The following ALG8 variants were observed in gnomAD, a reference collection of about 807,000 sequenced individuals.
ALG8 encodes the protein dolichyl pyrophosphate Glc1Man9GlcNAc2 alpha-1,3-glucosyltransferase.
Under a neutral mutation model 70.2 loss-of-function variants are expected in ALG8, and 48 were observed. That is an observed-to-expected ratio of 0.68 (90% CI 0.54 to 0.87). The LOEUF (loss-of-function observed/expected upper bound fraction) is 0.87, where lower values mean the gene tolerates loss of function less well. ALG8 is among the 40% of genes least tolerant of loss of function. The pLI, the probability that ALG8 is intolerant of heterozygous loss-of-function variation, is 0.00. For missense variants in ALG8, 572 were observed against 608.7 expected (o/e 0.94, Z 0.64); for synonymous variants, 234 against 229.0 (o/e 1.02, Z -0.20).
chr11:78,130,750 A>G (rs1482348497), intron 1 of ALG8, among the ~76,000 whole-genome samples: 1 of 152,102 alleles, frequency 6.6e-6, no homozygotes, highest in Non-Finnish European at 1.5e-5. Context: ...TTCATTAATT[A>G]TGCTGAGTAT....
chr11:78,112,182 C>A (rs570456), intron 8 of ALG8, among the ~76,000 whole-genome samples: 1 of 151,920 alleles, frequency 6.6e-6, no homozygotes, highest in African/African-American at 2.4e-5. Context: ...GAGGCTGAGA[C>A]AAGAGGACTG....
At chr11:78,111,863 A>G (rs1860305528) in intron 8 of ALG8, among the ~76,000 whole-genome samples, 1 of 152,224 alleles carries the variant, frequency 6.6e-6, no homozygotes, top group African/African-American at 2.4e-5. Flanking sequence ...TAAAAACCAT[A>G]GCCTGGGTTT....
intron 5 of ALG8, 124 bp downstream of exon 5, chr11:78,119,058 T>G (rs1273823134): frequency 1.4e-6 from 1 of 706,454 alleles, no homozygotes; most frequent in Non-Finnish European, 2.5e-6. Context: ...CTAATAAAAG[T>G]GTCTATCGCA....
chr11:78,112,548 A>G (rs1860338312), intron 8 of ALG8, 102 bp downstream of exon 8: 1 of 1,557,790 alleles, frequency 6.4e-7, no homozygotes, highest in Non-Finnish European at 8.8e-7. Flanking sequence ...CTGGAGAACA[A>G]ACAATTCAGC....
intron 1 of ALG8, among the ~76,000 whole-genome samples, chr11:78,134,696 A>C (rs1473229492): frequency 6.6e-6 from 1 of 152,230 alleles, no homozygotes; most frequent in Non-Finnish European, 1.5e-5. Flanking sequence ...ATCTCAAAAG[A>C]AACCACTTTC....
intron 2 of ALG8, among the ~76,000 whole-genome samples, chr11:78,126,036 G>A (rs1278242383): frequency 2.0e-5 from 3 of 152,004 alleles, no homozygotes; most frequent in Non-Finnish European, 4.4e-5. Flanking sequence ...GCGGGCGCCT[G>A]TAGTCCCAGC....
Position 78,124,360 on chromosome 11 carries a change from T to C in ALG8, c.175-146A>G. 6.4e-6 allele frequency: 5 copies of C among 784,636 alleles called. No homozygotes were observed. In the South Asian group the frequency reaches 8.0e-5, roughly 13 times the overall value. The allele number at this position is 784,636 out of a possible 1,614,324, so 48.6% of individuals were successfully genotyped here. On this transcript the variant is annotated intron_variant, in intron 2 of 12. Transcript: ENST00000299626. The stretch of plus-strand genomic sequence containing the variant: ...GCTCACACCTGTAACCCCAGCACTT[T>C]GGGAGGACAAGGCAGGCAGATCGCT...
In ALG8 at chr11:78,106,880, A is replaced by T. The variant is rs1555067842; in HGVS notation, c.1105T>A (p.Cys369Ser). The T allele has an allele frequency of 6.2e-7, 1 of 1,614,188 alleles. No individual in the cohort carries two copies. Among genetic ancestry groups the T allele is most frequent in the Non-Finnish European group, 8.5e-7 (1 of 1,180,014 alleles). The stretch of plus-strand genomic sequence containing the variant: ...CCAAACATAAAGGAGCTCAAGGCAC[A>T]AAGAGTTAGACATCGGAGAAAGCCT... ...PRGFLRCLTLCALSSFMFGWH... is the reference protein window; with the variant it reads ...PRGFLRCLTLSALSSFMFGWH... Residue 369 changes from cysteine to serine, a missense_variant, in exon 10 of 13, where the codon TGT (cysteine) becomes AGT (serine). By Grantham distance (112) the Cys-to-Ser change is moderately radical. Coordinates refer to ENST00000299626, the MANE Select transcript of ALG8 (RefSeq NM_024079.5).
At chr11:78,116,547 G>A (rs144629462) in intron 5 of ALG8, among the ~76,000 whole-genome samples, 225 of 152,094 alleles carry the variant, frequency 1.5e-3, no homozygotes, top group African/African-American at 5.3e-3. Flanking sequence ...GCGAAACCCC[G>A]TCTCTAGTAA....
chr11:78,103,410 G>C (rs1182032614), intron 12 of ALG8: 3 of 153,290 alleles, frequency 2.0e-5, no homozygotes, highest in African/African-American at 7.2e-5. Flanking sequence ...GTTGCAGTGA[G>C]TGGAGATCGC....
chr11:78,104,109 T>A, intron 11 of ALG8, 57 bp from the exon 12 acceptor site: 1 of 1,134,380 alleles, frequency 8.8e-7, no homozygotes, highest in Non-Finnish European at 1.3e-6. Context: ...AGACTTATGA[T>A]GCTGAAAGTA....
chr11:78,130,361 A>AAAAAAAAAAAAAAAGAAAAGAAAAAAAAG (rs928560857), intron 1 of ALG8, among the ~76,000 whole-genome samples: 1 of 132,636 alleles, frequency 7.5e-6, no homozygotes, highest in African/African-American at 3.2e-5. Context: ...AAAAAAAAAA[A>AAAAAAAAAAAAAAAGAAAAGAAAAAAAAG]AAAAAAGGTG....
At chr11:78,113,705 T>C (rs1192923267) in intron 7 of ALG8, among the ~76,000 whole-genome samples, 181 bp downstream of exon 7, 2 of 107,950 alleles carry the variant, frequency 1.9e-5, no homozygotes, top group African/African-American at 8.7e-5. Flanking sequence ...ACAGTGAGAC[T>C]CCATCTTAAA....
intron 1 of ALG8, among the ~76,000 whole-genome samples, chr11:78,127,898 C>T (rs772471008): frequency 1.3e-5 from 2 of 151,868 alleles, no homozygotes; most frequent in African/African-American, 4.8e-5. Context: ...GGTGGGGTTT[C>T]GCCATGTTGG....
At position 78,113,860 on chromosome 11, in the gene ALG8, T is replaced by C. The variant is rs202127735; in HGVS notation, c.777+26A>G. 144 of 958,796 alleles carry C rather than the reference T, an allele frequency of 1.5e-4. No homozygotes were observed. In the African/African-American group the frequency reaches 5.5e-3, roughly 37 times the overall value. The allele number at this position is 958,796 out of a possible 1,614,324, so 59.4% of individuals were successfully genotyped here. ...ACACCAACAAAGAACATGTATTAATTGAAAAAAAAAAAAAAAAAGGCTTAC... is the reference window on the plus strand; with the variant it reads ...ACACCAACAAAGAACATGTATTAATCGAAAAAAAAAAAAAAAAAGGCTTAC... On this transcript the variant is annotated intron_variant, in intron 7 of 12. Coordinates refer to ENST00000299626, the MANE Select transcript of ALG8 (RefSeq NM_024079.5).
rs138170375 is a variant in ALG8, at chr11:78,112,718, C to T, written c.830G>A (p.Cys277Tyr). The change falls in exon 8 of 13, where the codon TGT becomes TAT. Residue 277 changes from cysteine (C) to tyrosine (Y), a missense_variant. Transcript: ENST00000299626. Reference protein sequence around the residue: ...SRLFPFKRGLCHAYWAPNFWA... With the variant: ...SRLFPFKRGLYHAYWAPNFWA... ...GAAGTTTGGAGCCCAATATGCATGA[C>T]AGAGGCCCCTCTTGAAAGGAAAGAG... 6.2e-7 allele frequency: 1 copy of T among 1,614,084 alleles called. No individual in the cohort carries two copies. The highest frequency in any genetic ancestry group is 8.5e-7 in the Non-Finnish European group (1 of 1,179,966).
intron 5 of ALG8, among the ~76,000 whole-genome samples, chr11:78,115,053 T>G (rs1860496243): frequency 6.6e-6 from 1 of 152,182 alleles, no homozygotes; most frequent in Admixed American, 6.5e-5. Context: ...TTATTTGAGA[T>G]GGAGTCTCCC....
At chr11:78,104,505 T>C (rs1438349886) in intron 10 of ALG8, 52 bp from the exon 11 acceptor site, 4 of 1,483,484 alleles carry the variant, frequency 2.7e-6, no homozygotes, top group African/African-American at 2.8e-5. Context: ...CACTTGCAAA[T>C]AGCTTAAATA....
chr11:78,106,531 A>G (rs1471023722), intron 10 of ALG8, among the ~76,000 whole-genome samples: 4 of 152,006 alleles, frequency 2.6e-5, no homozygotes, highest in African/African-American at 9.7e-5. Flanking sequence ...CTGTCCCTCA[A>G]TGATCAGATC....
Sources: gnomAD v4.1 joint callset for allele counts (sites outside exome capture counted in the v4.1 genomes callset) on GRCh38, gnomAD v4.1.1 for gene constraint, MANE v1.5 for transcripts, NCBI Gene and HGNC (gene_info 2026-07-23, HGNC 2026-07-21) for gene names.